Variants in NBPF9 observed in about 807,000 individuals in gnomAD.
NBPF9 encodes the protein NBPF member 9.
NBPF9 carries 91 observed loss-of-function variants against 97.8 expected under a neutral mutation model. The observed-to-expected ratio is 0.93, with a 90% confidence interval of 0.79 to 1.11. The LOEUF (loss-of-function observed/expected upper bound fraction) is 1.11, where lower values mean the gene tolerates loss of function less well. Among genes scored for constraint, NBPF9 ranks in the 50% least tolerant of loss-of-function variants. The probability of loss-of-function intolerance (pLI) is 0.00; values close to 1 mark genes in which losing one functional copy is unlikely to be tolerated. For missense variants in NBPF9, 992 were observed against 939.5 expected (o/e 1.06, Z -0.73); for synonymous variants, 334 against 359.5 (o/e 0.93, Z 0.80).
rs587629204 is a variant in NBPF9 at position 149,103,028 on chromosome 1, G to A, written c.-842-181C>T. 5.3e-5 allele frequency among the ~76,000 whole-genome samples: 8 copies of A among 151,628 alleles called. 1 individual carries two copies. The highest frequency in any genetic ancestry group is 3.3e-4 in the Admixed American group (5 of 15,248). On this transcript the variant is annotated intron_variant, in intron 1 of 29. Coordinates refer to ENST00000584027, the Ensembl canonical transcript of NBPF9. Reference sequence around the variant, plus strand: ...CGAGGACGTGCCCCCGAAGCTGCTCGTCCCTCCACCCCCTGGGATGCCACA... The same window carrying A: ...CGAGGACGTGCCCCCGAAGCTGCTCATCCCTCCACCCCCTGGGATGCCACA...
At chr1:149,074,351 TCA>T (rs1303046387) in intron 12 of NBPF9, among the ~76,000 whole-genome samples, 9 of 151,494 alleles carry the variant, frequency 5.9e-5, no homozygotes, top group Non-Finnish European at 1.0e-4. Flanking sequence ...AATCATATCT[TCA>T]GTTATGATTT....
rs1255252871 is a variant in NBPF9 at position 149,062,424 on chromosome 1, G to T, written c.2079-159C>A. Reference sequence around the variant, plus strand: ...ATTGCCTTTAGGTTGGGATAGACCAGGGTCAGGTGGAAAAGAATGAAAGAG... The same window carrying T: ...ATTGCCTTTAGGTTGGGATAGACCATGGTCAGGTGGAAAAGAATGAAAGAG... On this transcript the variant is annotated intron_variant, in intron 21 of 29. Coordinates refer to ENST00000584027, the Ensembl canonical transcript of NBPF9. 1.4e-5 allele frequency among the ~76,000 whole-genome samples: 2 copies of T among 143,310 alleles called. 1 individual carries two copies. The highest frequency in any genetic ancestry group is 5.2e-5 in the African/African-American group (2 of 38,732). 94.0% of individuals were successfully genotyped at this position (143,310 alleles called of 152,430 possible). A position where few individuals can be genotyped will look rare whatever the true frequency, so the allele number is the denominator to read the frequency against.
chr1:149,098,157 G>A (rs1351185406), intron 4 of NBPF9, among the ~76,000 whole-genome samples: 1 of 151,772 alleles, frequency 6.6e-6, no homozygotes, highest in Non-Finnish European at 1.5e-5. Context: ...GAAGAGCAAG[G>A]AGTGGGATGC....
At chr1:149,089,596 G>A (rs1407837643) in intron 5 of NBPF9, among the ~76,000 whole-genome samples, 18 of 152,306 alleles carry the variant, frequency 1.2e-4, no homozygotes, top group African/African-American at 4.3e-4. Flanking sequence ...AGGAGGAGGG[G>A]ATGTTATGGG....
chr1:149,076,254 G>A (rs1345407134), intron 11 of NBPF9, among the ~76,000 whole-genome samples: 1 of 151,316 alleles, frequency 6.6e-6, no homozygotes, highest in Non-Finnish European at 1.5e-5. Context: ...CTGAAGTGCA[G>A]AGGCACAATC....
chr1:149,084,554 G>A (rs587648396), intron 5 of NBPF9, among the ~76,000 whole-genome samples: 3 of 149,404 alleles, frequency 2.0e-5, no homozygotes, highest in East Asian at 2.0e-4. Flanking sequence ...CAGCCCAGGC[G>A]GCCCCAGCAG....
intron 3 of NBPF9, among the ~76,000 whole-genome samples, chr1:149,099,269 G>A (rs1255840463): frequency 6.6e-6 from 1 of 152,204 alleles, no homozygotes; most frequent in Admixed American, 6.5e-5. Flanking sequence ...CTTTCGCTAG[G>A]TTATGCTACA....
intron 4 of NBPF9, among the ~76,000 whole-genome samples, chr1:149,093,473 G>C (rs1447639381): frequency 6.6e-6 from 1 of 151,404 alleles, no homozygotes; most frequent in Non-Finnish European, 1.5e-5. Flanking sequence ...CCCTTCCCAC[G>C]AGGCTGTATT....
chr1:149,065,569 G>C, exon 18 of NBPF9: 3 of 1,610,300 alleles, frequency 1.9e-6, no homozygotes, highest in Non-Finnish European at 1.7e-6. Flanking sequence ...CCTCTAATGA[G>C]TGAAATGTGC....
intron 16 of NBPF9, among the ~76,000 whole-genome samples, chr1:149,070,540 G>A (rs1305843451): frequency 4.3e-4 from 65 of 150,416 alleles, no homozygotes; most frequent in Non-Finnish European, 8.2e-4. Context: ...GTGAAGCCTG[G>A]GGAACGATAT....
At chr1:149,065,623 G>T (rs782383888) in exon 18 of NBPF9, 1 of 1,603,266 alleles carries the variant, frequency 6.2e-7, no homozygotes, top group Non-Finnish European at 8.5e-7. Flanking sequence ...GAGGAATTGA[G>T]GGAGTCGAAT....
intron 5 of NBPF9, 188 bp downstream of exon 5, chr1:149,090,565 C>T (rs2081350780): frequency 1.9e-6 from 1 of 534,546 alleles, no homozygotes; most frequent in African/African-American, 1.9e-5. Context: ...TAAAGAATGC[C>T]CATAAAATTA....
chr1:149,059,824 A>G lies in NBPF9; in HGVS notation c.2477-16T>C. ...TTTTCAATTTCTGCAATAAATTCAGACATGGACAGACACATTAAGCTGATT... is the reference window on the plus strand; with the variant it reads ...TTTTCAATTTCTGCAATAAATTCAGGCATGGACAGACACATTAAGCTGATT... On this transcript the variant is annotated splice_polypyrimidine_tract_variant and intron_variant, in intron 24 of 29. Coordinates refer to ENST00000584027, the Ensembl canonical transcript of NBPF9. 3 of 530,790 alleles carry G rather than the reference A, an allele frequency of 5.7e-6. 1 individual carries two copies. Among genetic ancestry groups the G allele is most frequent in the Non-Finnish European group, 1.0e-5 (3 of 290,434 alleles). The allele number at this position is 530,790 out of a possible 1,614,324, so 32.9% of individuals were successfully genotyped here. A position where few individuals can be genotyped will look rare whatever the true frequency, so the allele number is the denominator to read the frequency against.
intron 17 of NBPF9, among the ~76,000 whole-genome samples, chr1:149,069,133 G>A (rs1421500411): frequency 2.6e-5 from 4 of 151,692 alleles, no homozygotes; most frequent in South Asian, 2.1e-4. Flanking sequence ...ATGTGTAGAG[G>A]GAAAATTATA....
chr1:149,103,150 C>G (rs1401390601), intron 1 of NBPF9, among the ~76,000 whole-genome samples, 151 bp downstream of exon 1: 2 of 151,254 alleles, frequency 1.3e-5, no homozygotes, highest in African/African-American at 2.4e-5. Flanking sequence ...ACTTAAGCCC[C>G]GGCGGGGCCG....
chr1:149,060,296 G>C lies in NBPF9; in HGVS notation c.2476+227C>G. On this transcript the variant is annotated intron_variant, in intron 24 of 29. Coordinates refer to ENST00000584027, the Ensembl canonical transcript of NBPF9. Reference sequence around the variant, plus strand: ...GTCCAATGTCATGAGGATAGGATCAGGGCGCCACAGGTATGGCCTGAGACT... The same window carrying C: ...GTCCAATGTCATGAGGATAGGATCACGGCGCCACAGGTATGGCCTGAGACT... 1.9e-5 allele frequency: 7 copies of C among 376,718 alleles called. 3 individuals carry two copies. In the South Asian group the frequency reaches 1.9e-4, roughly 10 times the overall value. The allele number at this position is 376,718 out of a possible 1,614,324, so 23.3% of individuals were successfully genotyped here.
chr1:149,097,916 C>T (rs2081896318), intron 4 of NBPF9, among the ~76,000 whole-genome samples: 1 of 151,922 alleles, frequency 6.6e-6, no homozygotes, highest in Admixed American at 6.6e-5. Context: ...TCTTTTAACC[C>T]ATTATACTGG....
At chr1:149,086,167 T>A (rs2080981507) in intron 5 of NBPF9, among the ~76,000 whole-genome samples, 1 of 150,190 alleles carries the variant, frequency 6.7e-6, no homozygotes, top group Non-Finnish European at 1.5e-5. Context: ...TTTGGGCTAT[T>A]ATGAAGAAAC....
chr1:149,072,180 A>G (rs1553653079), intron 14 of NBPF9, among the ~76,000 whole-genome samples: 4 of 151,012 alleles, frequency 2.6e-5, no homozygotes, highest in African/African-American at 9.8e-5. Flanking sequence ...TCCTACCACA[A>G]AACGCCCCCA....
Sources: gnomAD v4.1 joint callset for allele counts (sites outside exome capture counted in the v4.1 genomes callset) on GRCh38, gnomAD v4.1.1 for gene constraint, MANE v1.5 for transcripts, NCBI Gene and HGNC (gene_info 2026-07-23, HGNC 2026-07-21) for gene names.